Variants in SLC25A21 observed in about 807,000 individuals in gnomAD.
SLC25A21 encodes mitochondrial 2-oxodicarboxylate carrier.
Under a neutral mutation model 43.8 loss-of-function variants are expected in SLC25A21, and 47 were observed. That is an observed-to-expected ratio of 1.07 (90% CI 0.85 to 1.37). The LOEUF is 1.37. Ranked by LOEUF, SLC25A21 falls within the 40% of genes most tolerant of loss-of-function variation. The probability of loss-of-function intolerance (pLI) is 0.00; values close to 1 mark genes in which losing one functional copy is unlikely to be tolerated. For synonymous variants in SLC25A21, 131 were observed against 121.3 expected (o/e 1.08, Z -0.52); for missense variants, 352 against 350.2 (o/e 1.00, Z -0.04).
chr14:37,098,746 TAGACAGACAGACAGACAGACAGAC>T (rs1201386691), intron 1 of SLC25A21, among the ~76,000 whole-genome samples: 31 of 31,346 alleles, frequency 9.9e-4, no homozygotes, highest in East Asian at 7.7e-3. Flanking sequence ...GATAGATAGA[TAGACAGACAGACAGACAGACAGAC>T]AGACAGACAG....
At chr14:36,943,968 T>G (rs1025833128) in intron 1 of SLC25A21, among the ~76,000 whole-genome samples, 2 of 152,120 alleles carry the variant, frequency 1.3e-5, no homozygotes, top group Non-Finnish European at 2.9e-5. Flanking sequence ...TTATCACCAC[T>G]AAATTTATTA....
chr14:37,006,335 A>G (rs1361472329), intron 1 of SLC25A21, among the ~76,000 whole-genome samples: 1 of 152,104 alleles, frequency 6.6e-6, no homozygotes, highest in Admixed American at 6.5e-5. Context: ...TGTTAAATAA[A>G]AACTAGTTTC....
intron 1 of SLC25A21, among the ~76,000 whole-genome samples, chr14:37,118,508 T>G (rs1333561093): frequency 6.6e-6 from 1 of 152,200 alleles, no homozygotes; most frequent in East Asian, 1.9e-4. Flanking sequence ...TAAAGCTCTT[T>G]CTCTATTGCA....
chr14:36,707,800 T>C (rs1883644631), intron 7 of SLC25A21, among the ~76,000 whole-genome samples: 1 of 152,168 alleles, frequency 6.6e-6, no homozygotes, highest in Admixed American at 6.5e-5. Flanking sequence ...ACAGAGAAGA[T>C]TACAGTGGAA....
chr14:37,123,799 T>C (rs1963251876), intron 1 of SLC25A21, among the ~76,000 whole-genome samples: 1 of 152,016 alleles, frequency 6.6e-6, no homozygotes, highest in Admixed American at 6.6e-5. Flanking sequence ...GGCAAGAAGA[T>C]CATTTGAGCT....
At chr14:37,089,340 G>C (rs1962541587) in intron 1 of SLC25A21, among the ~76,000 whole-genome samples, 1 of 152,062 alleles carries the variant, frequency 6.6e-6, no homozygotes, top group Admixed American at 6.5e-5. Flanking sequence ...TTCCTACCTA[G>C]GGGAAGTGCT....
At chr14:37,022,229 G>T (rs1961002935) in intron 1 of SLC25A21, among the ~76,000 whole-genome samples, 1 of 151,792 alleles carries the variant, frequency 6.6e-6, no homozygotes, top group Admixed American at 6.6e-5. Flanking sequence ...AACTTACTTT[G>T]TAATAATAAT....
At chr14:37,016,597 C>T (rs1960862459) in intron 1 of SLC25A21, among the ~76,000 whole-genome samples, 2 of 152,018 alleles carry the variant, frequency 1.3e-5, no homozygotes, top group South Asian at 4.1e-4. Flanking sequence ...GCACTGGCCT[C>T]AACTCACCAA....
chr14:37,123,673 T>C (rs757342322), intron 1 of SLC25A21, among the ~76,000 whole-genome samples: 1 of 152,156 alleles, frequency 6.6e-6, no homozygotes, highest in Non-Finnish European at 1.5e-5. Flanking sequence ...TATGAAATTG[T>C]ATAACATAAA....
chr14:36,806,743 T>A (rs1888053407), intron 3 of SLC25A21: 1 of 152,142 alleles, frequency 6.6e-6, no homozygotes, highest in Non-Finnish European at 1.5e-5. Context: ...CCAGATAAAT[T>A]TGCTATAGTT....
chr14:36,950,301 C>A (rs1206527656), intron 1 of SLC25A21, among the ~76,000 whole-genome samples: 1 of 152,082 alleles, frequency 6.6e-6, no homozygotes, highest in African/African-American at 2.4e-5. Flanking sequence ...AAATCCTAAT[C>A]CTAATGTGAC....
chr14:36,875,029 A>G (rs761455735), intron 1 of SLC25A21, 25 bp from the exon 2 acceptor site: 25 of 1,568,242 alleles, frequency 1.6e-5, no homozygotes, highest in East Asian at 4.5e-5. Context: ...AGAAAATCCA[A>G]TAAACACTTA....
At chr14:36,720,330 G>A (rs963340871) in intron 6 of SLC25A21, among the ~76,000 whole-genome samples, 10 of 152,182 alleles carry the variant, frequency 6.6e-5, no homozygotes, top group African/African-American at 2.2e-4. Context: ...AAGACCCCAC[G>A]GACTCACCAC....
chr14:37,018,208 T>C (rs1387931481), intron 1 of SLC25A21, among the ~76,000 whole-genome samples: 1 of 152,026 alleles, frequency 6.6e-6, no homozygotes, highest in African/African-American at 2.4e-5. Context: ...CATTGTCAAA[T>C]TAATTTAGCT....
intron 3 of SLC25A21, among the ~76,000 whole-genome samples, chr14:36,809,980 C>T (rs1432987318): frequency 1.3e-5 from 2 of 152,098 alleles, no homozygotes; most frequent in African/African-American, 4.8e-5. Flanking sequence ...TGTTAAAAGG[C>T]TTTTGTCTTC....
At chr14:36,682,728 A>G (rs4528471) in intron 9 of SLC25A21, among the ~76,000 whole-genome samples, 6,783 of 131,118 alleles carry the variant, frequency 0.052, 470 homozygotes, top group African/African-American at 0.16. Flanking sequence ...GCTTTTACAC[A>G]TGGGCCAATA....
intron 1 of SLC25A21, among the ~76,000 whole-genome samples, chr14:36,886,353 A>G (rs1401152609): frequency 6.6e-6 from 1 of 152,228 alleles, no homozygotes; most frequent in Non-Finnish European, 1.5e-5. Context: ...AGATGTTGTT[A>G]AAAGTTATGC....
chr14:36,888,495 GATT>G (rs1372813597), intron 1 of SLC25A21, among the ~76,000 whole-genome samples: 1 of 151,818 alleles, frequency 6.6e-6, no homozygotes, highest in Non-Finnish European at 1.5e-5. Flanking sequence ...AAATTATACA[GATT>G]ATATCTATAT....
chr14:36,850,945 T>C (rs534425148), intron 2 of SLC25A21, among the ~76,000 whole-genome samples: 3 of 152,320 alleles, frequency 2.0e-5, no homozygotes, highest in Non-Finnish European at 4.4e-5. Context: ...ACCTATTCTT[T>C]TCCTCTACTG....
Sources: allele counts gnomAD v4.1 joint callset (sites outside exome capture counted in the v4.1 genomes callset), GRCh38; gene constraint gnomAD v4.1.1; transcripts MANE v1.5; gene names NCBI Gene and HGNC (gene_info 2026-07-23, HGNC 2026-07-21).